The following ERP44 variants were observed in gnomAD, a reference collection of about 807,000 sequenced individuals.
The protein encoded by ERP44 is endoplasmic reticulum resident protein 44.
ERP44 carries 25 observed loss-of-function variants against 53.4 expected under a neutral mutation model. That is an observed-to-expected ratio of 0.47 (90% CI 0.34 to 0.65). ERP44 has a LOEUF of 0.65. Ranked by LOEUF, ERP44 falls within the 30% of genes least tolerant of loss-of-function variation. ERP44 has a pLI of 0.01. For synonymous variants in ERP44, 145 were observed against 161.2 expected (o/e 0.90, Z 0.76); for missense variants, 338 against 493.2 (o/e 0.69, Z 2.98).
At chr9:99,985,618 A>G (rs7873545) in intron 10 of ERP44, among the ~76,000 whole-genome samples, 28,665 of 152,104 alleles carry the variant, frequency 0.19, 4,277 homozygotes, top group African/African-American at 0.42. Flanking sequence ...TTGTGAGCCT[A>G]CTTTTGAGGT....
rs775523100 is a variant in ERP44 at position 99,984,932 on chromosome 9, AAG to A, written c.1119+33_1119+34del. The A allele has an allele frequency of 3.6e-6, 5 of 1,371,692 alleles. No homozygotes were observed. In the East Asian group the frequency reaches 1.1e-4, roughly 32 times the overall value. The allele number at this position is 1,371,692 out of a possible 1,614,324, so 85.0% of individuals were successfully genotyped here. ...TGAGGCTAACTGAAAAAGGGAAAAA[AAG>A]AGTTCTCATTGAAAAATAAACAGGA... is the stretch of plus-strand genomic sequence containing the variant. On this transcript the variant is annotated intron_variant, in intron 11 of 11. Transcript: ENST00000262455.
At chr9:100,008,295 C>T (rs951160409) in intron 8 of ERP44, among the ~76,000 whole-genome samples, 1 of 152,028 alleles carries the variant, frequency 6.6e-6, no homozygotes, top group African/African-American at 2.4e-5. Context: ...TAATAAATAC[C>T]TACCCCTATA....
In ERP44 at chr9:99,979,907, C is replaced by T. The variant is rs1830130249; in HGVS notation, c.*2705G>A. The T allele has an allele frequency of 2.5e-6, 1 of 398,330 alleles. No homozygotes were observed. Among genetic ancestry groups the T allele is most frequent in the Non-Finnish European group, 4.4e-6 (1 of 225,950 alleles). The allele number at this position is 398,330 out of a possible 1,614,324, so 24.7% of individuals were successfully genotyped here. On this transcript the variant is annotated 3_prime_UTR_variant, in exon 12 of 12. Transcript: ENST00000262455. ...CAATCTGTTGATGGATCTCTTCTGC[C>T]TACAATATATACTACAAACCCCTTA...
chr9:100,082,004 A>G (rs1826432450), intron 1 of ERP44, among the ~76,000 whole-genome samples: 1 of 152,200 alleles, frequency 6.6e-6, no homozygotes, highest in Non-Finnish European at 1.5e-5. Context: ...ACATACACAC[A>G]CACAAAACAA....
chr9:99,987,331 G>C (rs1211668870), intron 10 of ERP44, among the ~76,000 whole-genome samples: 1 of 152,062 alleles, frequency 6.6e-6, no homozygotes, highest in Non-Finnish European at 1.5e-5. Context: ...AAAATAAATG[G>C]GCCCTTGCCA....
intron 4 of ERP44, 104 bp from the exon 5 acceptor site, chr9:100,022,330 T>A: frequency 1.2e-6 from 1 of 817,952 alleles, no homozygotes; most frequent in Non-Finnish European, 1.8e-6. Flanking sequence ...ACTTTTTGGT[T>A]CAAGTCATTG....
chr9:100,006,770 T>G (rs996029368), intron 9 of ERP44, 123 bp from the exon 10 acceptor site: 1 of 621,174 alleles, frequency 1.6e-6, no homozygotes, highest in Non-Finnish European at 2.7e-6. Context: ...AAGAGTAATA[T>G]AGATCAGAAA....
Position 100,090,953 on chromosome 9 carries a change from A to G in ERP44, c.57+7831T>C, listed in dbSNP as rs1157088966. Among the ~76,000 whole-genome samples the G allele has an allele frequency of 6.6e-5, 10 of 152,228 alleles. No homozygotes were observed. In the East Asian group the frequency reaches 1.5e-3, roughly 24 times the overall value. On this transcript the variant is annotated intron_variant, in intron 1 of 11. Transcript: ENST00000262455. The stretch of plus-strand genomic sequence containing the variant: ...AACATGACCTAACAACCTTTTTCTA[A>G]AATTTCTTAAATCCATTCACCAAAG...
rs1202014461 is a variant in ERP44 at position 99,979,851 on chromosome 9, A to T, written c.*2761T>A. On this transcript the variant is annotated 3_prime_UTR_variant, in exon 12 of 12. Transcript: ENST00000262455. ...ACGTGCTTCCACACTATTCTTTCTC[A>T]AACTTTAAAGTGAACATACTTCCTT... 2.5e-6 allele frequency: 1 copy of T among 397,764 alleles called. No homozygotes were observed. Among genetic ancestry groups the T allele is most frequent in the Admixed American group, 4.4e-5 (1 of 22,736 alleles). The allele number at this position is 397,764 out of a possible 1,614,324, so 24.6% of individuals were successfully genotyped here. A position where few individuals can be genotyped will look rare whatever the true frequency, so the allele number is the denominator to read the frequency against.
chr9:99,999,896 A>C (rs1351567637), intron 10 of ERP44, among the ~76,000 whole-genome samples: 2 of 152,088 alleles, frequency 1.3e-5, no homozygotes, highest in African/African-American at 4.8e-5. Context: ...CTGCATGTAG[A>C]TATCCAGTTT....
intron 4 of ERP44, among the ~76,000 whole-genome samples, chr9:100,038,331 A>G (rs1825864897): frequency 6.6e-6 from 1 of 152,162 alleles, no homozygotes; most frequent in African/African-American, 2.4e-5. Context: ...ATATAAACAG[A>G]AACAACAAAA....
intron 6 of ERP44, among the ~76,000 whole-genome samples, chr9:100,019,850 C>A (rs928095389): frequency 6.6e-6 from 1 of 152,016 alleles, no homozygotes; most frequent in African/African-American, 2.4e-5. Context: ...CATTTTGTGA[C>A]TGTGTAGAGA....
intron 10 of ERP44, among the ~76,000 whole-genome samples, chr9:99,995,490 G>A (rs972800579): frequency 1.3e-5 from 2 of 151,902 alleles, no homozygotes; most frequent in African/African-American, 4.9e-5. Context: ...CCCTTTGAAA[G>A]ACTGAAGTTT....
chr9:100,012,312 T>C (rs751428552), intron 8 of ERP44, among the ~76,000 whole-genome samples: 18 of 152,218 alleles, frequency 1.2e-4, no homozygotes, highest in Non-Finnish European at 2.2e-4. Flanking sequence ...AAGTTTATGA[T>C]ATTTAAGCTT....
chr9:100,028,689 G>A (rs1830679045), intron 4 of ERP44, among the ~76,000 whole-genome samples: 1 of 152,208 alleles, frequency 6.6e-6, no homozygotes, highest in African/African-American at 2.4e-5. Flanking sequence ...TCTGAGGTTA[G>A]TCAAATAGTA....
chr9:100,038,942 G>C (rs1303568006), intron 4 of ERP44, among the ~76,000 whole-genome samples: 1 of 152,132 alleles, frequency 6.6e-6, no homozygotes, highest in African/African-American at 2.4e-5. Flanking sequence ...AATTCAGCAA[G>C]AGGATATAAC....
chr9:100,084,751 G>GA, intron 1 of ERP44, among the ~76,000 whole-genome samples: 1 of 152,080 alleles, frequency 6.6e-6, no homozygotes, highest in Non-Finnish European at 1.5e-5. Context: ...CAGACTCTCC[G>GA]AAAATCGTAT....
chr9:100,035,801 A>G (rs1825843994), intron 4 of ERP44, among the ~76,000 whole-genome samples: 1 of 152,242 alleles, frequency 6.6e-6, no homozygotes, highest in African/African-American at 2.4e-5. Flanking sequence ...AAAAATGCTT[A>G]TTATCGCTAA....
chr9:100,016,489 T>A, intron 7 of ERP44, 51 bp from the exon 8 acceptor site: 1 of 1,518,366 alleles, frequency 6.6e-7, no homozygotes, highest in Non-Finnish European at 8.7e-7. Flanking sequence ...CTGGCAAAAG[T>A]ATATTCTTAT....
Sources: allele counts gnomAD v4.1 joint callset (sites outside exome capture counted in the v4.1 genomes callset), GRCh38; gene constraint gnomAD v4.1.1; transcripts MANE v1.5; gene names NCBI Gene and HGNC (gene_info 2026-07-23, HGNC 2026-07-21).